The following TENM4 variants were observed in gnomAD, a reference collection of about 807,000 sequenced individuals.
The protein encoded by TENM4 is teneurin transmembrane protein 4.
TENM4 carries 82 observed loss-of-function variants against 243.3 expected under a neutral mutation model. That is an observed-to-expected ratio of 0.34 (90% CI 0.28 to 0.40). TENM4 has a LOEUF of 0.40. Among genes scored for constraint, TENM4 ranks in the 10% least tolerant of loss-of-function variants. The probability of loss-of-function intolerance (pLI) is 1.00; values close to 1 mark genes in which losing one functional copy is unlikely to be tolerated. For synonymous variants in TENM4, 1,412 were observed against 1,456.3 expected (o/e 0.97, Z 0.69); for missense variants, 3,138 against 3,673.3 (o/e 0.85, Z 3.77).
chr11:78,838,199 T>G (rs993443464), intron 12 of TENM4, among the ~76,000 whole-genome samples: 8 of 152,234 alleles, frequency 5.3e-5, no homozygotes, highest in Non-Finnish European at 8.8e-5. Flanking sequence ...GTATGTTTAT[T>G]GCGTACTATA....
chr11:78,885,951 T>A (rs151089704), intron 9 of TENM4, among the ~76,000 whole-genome samples: 6 of 152,028 alleles, frequency 3.9e-5, no homozygotes, highest in Admixed American at 2.6e-4. Flanking sequence ...ACAAACAAAC[T>A]AAATGTCAAA....
intron 26 of TENM4, among the ~76,000 whole-genome samples, chr11:78,711,098 C>T (rs1039792187): frequency 1.3e-5 from 2 of 152,160 alleles, no homozygotes; most frequent in African/African-American, 4.8e-5. Flanking sequence ...AAGTGCAAGC[C>T]TAGTGTTCTT....
intron 5 of TENM4, among the ~76,000 whole-genome samples, chr11:79,066,576 A>G (rs931103117): frequency 2.6e-5 from 4 of 152,132 alleles, no homozygotes; most frequent in Non-Finnish European, 4.4e-5. Context: ...GTGCACGCGC[A>G]CACACACATG....
intron 6 of TENM4, among the ~76,000 whole-genome samples, chr11:79,052,075 A>G (rs1041590229): frequency 8.5e-5 from 13 of 152,214 alleles, no homozygotes; most frequent in African/African-American, 2.4e-4. Context: ...TAGTACTGCA[A>G]TGAACATAGG....
rs1855908991 is a variant in TENM4, at chr11:78,740,638, A to C, written c.2757-2068T>G. Among the ~76,000 whole-genome samples, 10 of 152,102 alleles carry C rather than the reference A, an allele frequency of 6.6e-5. No homozygotes were observed. The South Asian group carries it at 2.1e-3, about 32-fold the overall frequency. On this transcript the variant is annotated intron_variant, in intron 19 of 33. Transcript: ENST00000278550. ...GACAATTGAATTTCGTATTGCTGGA[A>C]CTCTGTCCTTCCAGAGAATTACTGA...
intron 6 of TENM4, among the ~76,000 whole-genome samples, chr11:78,960,003 A>C (rs938274657): frequency 2.0e-5 from 3 of 152,084 alleles, no homozygotes; most frequent in African/African-American, 7.2e-5. Context: ...GGCAGGAATA[A>C]CTTGTGACAC....
rs1491467195 is a variant in TENM4, at chr11:79,139,719, A to AATATATATTATATTTATAT, written c.-66+8990_-66+8991insATATAAATATAATATATAT. ...ATATATAATATTTATATAAGTATAT[A>AATATATATTATATTTATAT]AAATATATATTATATTTATATAAAT... is the stretch of plus-strand genomic sequence containing the variant. On this transcript the variant is annotated intron_variant, in intron 4 of 33. Coordinates refer to ENST00000278550, the MANE Select transcript of TENM4 (RefSeq NM_001098816.3). Among the ~76,000 whole-genome samples, 14 of 58,782 alleles carry AATATATATTATATTTATAT rather than the reference A, an allele frequency of 2.4e-4. 1 individual carries two copies. Among genetic ancestry groups the AATATATATTATATTTATAT allele is most frequent in the African/African-American group, 1.6e-3 (14 of 8,982 alleles). The allele number at this position is 58,782 out of a possible 152,430, so 38.6% of individuals were successfully genotyped here.
intron 4 of TENM4, among the ~76,000 whole-genome samples, chr11:79,129,549 T>C (rs1861956182): frequency 6.6e-6 from 1 of 152,072 alleles, no homozygotes; most frequent in African/African-American, 2.4e-5. Flanking sequence ...AGGGAGAGCA[T>C]GGTGGGAGTG....
Position 78,771,154 on chromosome 11 carries a change from C to T in TENM4, c.2393-16G>A. The T allele has an allele frequency of 6.4e-7, 1 of 1,560,912 alleles. No individual in the cohort carries two copies. The highest frequency in any genetic ancestry group is 8.7e-7 in the Non-Finnish European group (1 of 1,152,324). ...GGGCAACCCTCTGAAAGACAAAGTA[C>T]AGGGTTGAGGTCTGATCACCCAGAG... is the stretch of plus-strand genomic sequence containing the variant. On this transcript the variant is annotated splice_polypyrimidine_tract_variant and intron_variant, in intron 17 of 33. Transcript: ENST00000278550.
intron 4 of TENM4, among the ~76,000 whole-genome samples, chr11:79,101,777 G>A (rs1362287509): frequency 6.6e-6 from 1 of 152,160 alleles, no homozygotes; most frequent in Non-Finnish European, 1.5e-5. Context: ...ATGACATAAA[G>A]TGCCCCCCAA....
intron 6 of TENM4, among the ~76,000 whole-genome samples, chr11:79,047,828 G>A (rs1859696268): frequency 2.6e-5 from 4 of 152,130 alleles, no homozygotes; most frequent in African/African-American, 4.8e-5. Flanking sequence ...ATTTTATAGC[G>A]ATTTTAAGAG....
intron 6 of TENM4, among the ~76,000 whole-genome samples, chr11:78,988,058 G>A (rs1251631894): frequency 3.3e-5 from 5 of 152,154 alleles, no homozygotes; most frequent in Admixed American, 1.3e-4. Flanking sequence ...TCAGTAGAGC[G>A]GACCTGTGAT....
intron 1 of TENM4, among the ~76,000 whole-genome samples, chr11:79,415,605 G>C (rs1858796412): frequency 6.6e-6 from 1 of 152,152 alleles, no homozygotes; most frequent in African/African-American, 2.4e-5. Flanking sequence ...AGTGAGTGCT[G>C]GGGCTGGGAG....
intron 1 of TENM4, among the ~76,000 whole-genome samples, chr11:79,430,264 G>A (rs1399103477): frequency 6.6e-6 from 1 of 152,084 alleles, no homozygotes; most frequent in Non-Finnish European, 1.5e-5. Context: ...AAGTAGCAAG[G>A]CTGGGAAATG....
intron 2 of TENM4, among the ~76,000 whole-genome samples, chr11:79,268,109 T>A (rs1855910768): frequency 6.6e-6 from 1 of 152,264 alleles, no homozygotes; most frequent in South Asian, 2.1e-4. Flanking sequence ...GCACAAAAAA[T>A]TCTGGTATTG....
chr11:79,006,671 A>C lies in TENM4; in HGVS notation c.493+58067T>G, dbSNP rs565077787. Among the ~76,000 whole-genome samples the C allele has an allele frequency of 2.6e-5, 4 of 152,368 alleles. No homozygotes were observed. In the East Asian group the frequency reaches 7.7e-4, roughly 29 times the overall value. On this transcript the variant is annotated intron_variant, in intron 6 of 33. Coordinates refer to ENST00000278550, the MANE Select transcript of TENM4 (RefSeq NM_001098816.3). ...ATCCACCAAATTTAGATATACAGGC[A>C]CAGGCCTTAAGGCCTACATTAGAAA...
chr11:79,196,597 C>T (rs1174130238), intron 3 of TENM4, among the ~76,000 whole-genome samples: 1 of 152,144 alleles, frequency 6.6e-6, no homozygotes, highest in Non-Finnish European at 1.5e-5. Flanking sequence ...GTTTGCCATT[C>T]CTATCATGGA....
intron 1 of TENM4, among the ~76,000 whole-genome samples, chr11:79,400,444 C>T (rs572219503): frequency 2.6e-5 from 4 of 152,228 alleles, no homozygotes; most frequent in African/African-American, 9.6e-5. Flanking sequence ...GGCTAAACTC[C>T]TCTATGCTGG....
At chr11:79,286,035 G>A (rs901824309) in intron 2 of TENM4, among the ~76,000 whole-genome samples, 15 of 152,250 alleles carry the variant, frequency 9.9e-5, no homozygotes, top group South Asian at 8.3e-4. Flanking sequence ...TTTATAGCAC[G>A]TGAATTATAT....
Sources: gnomAD v4.1 joint callset for allele counts (sites outside exome capture counted in the v4.1 genomes callset) on GRCh38, gnomAD v4.1.1 for gene constraint, MANE v1.5 for transcripts, NCBI Gene and HGNC (gene_info 2026-07-23, HGNC 2026-07-21) for gene names.